The following EXOC4 variants were observed in gnomAD, a reference collection of about 807,000 sequenced individuals.
The protein encoded by EXOC4 is SEC8-like 1.
In EXOC4, 71 loss-of-function variants were observed where a neutral mutation model predicts 107.2. That is an observed-to-expected ratio of 0.66 (90% CI 0.55 to 0.81). The LOEUF (loss-of-function observed/expected upper bound fraction) is 0.81, where lower values mean the gene tolerates loss of function less well. EXOC4 is among the 30% of genes least tolerant of loss of function. The pLI, the probability that EXOC4 is intolerant of heterozygous loss-of-function variation, is 0.00. For missense variants in EXOC4, 1,108 were observed against 1,189.6 expected, an observed-to-expected ratio of 0.93 and a Z score of 1.01; for synonymous variants, 456 against 441.2, an observed-to-expected ratio of 1.03 and a Z score of -0.42.
chr7:133,374,435 G>A (rs977715107), intron 6 of EXOC4, among the ~76,000 whole-genome samples: 4 of 152,110 alleles, frequency 2.6e-5, no homozygotes, highest in African/African-American at 9.7e-5. Context: ...CATATTCTGT[G>A]TAACATCTGA....
At chr7:134,024,987 G>A (rs957534000) in intron 17 of EXOC4, among the ~76,000 whole-genome samples, 1 of 152,146 alleles carries the variant, frequency 6.6e-6, no homozygotes, top group East Asian at 1.9e-4. Context: ...GAGTGATTCT[G>A]GAGAGATTTT....
intron 9 of EXOC4, among the ~76,000 whole-genome samples, chr7:133,558,818 A>G (rs140113372): frequency 0.012 from 1,807 of 152,212 alleles, 39 homozygotes; most frequent in African/African-American, 0.041. Context: ...AATGCTACTG[A>G]TGACTGCTTC....
At chr7:133,969,507 C>A (rs1801151733) in intron 14 of EXOC4, among the ~76,000 whole-genome samples, 1 of 152,042 alleles carries the variant, frequency 6.6e-6, no homozygotes, top group African/African-American at 2.4e-5. Flanking sequence ...ATATTGGTGA[C>A]CTTCTGGTGG....
At chr7:134,008,077 G>C in intron 17 of EXOC4, 1 of 408,800 alleles carries the variant, frequency 2.4e-6, no homozygotes, top group Middle Eastern at 6.5e-4. Flanking sequence ...TACAATACTT[G>C]AATAACTCTT....
intron 7 of EXOC4, among the ~76,000 whole-genome samples, chr7:133,468,631 T>C (rs6467493): frequency 1 from 151,413 of 152,156 alleles, 75,344 homozygotes; most frequent in East Asian, 1. Flanking sequence ...CATCCTCCAT[T>C]GGGTAAGACT....
intron 9 of EXOC4, among the ~76,000 whole-genome samples, chr7:133,584,080 C>T (rs1801340345): frequency 6.6e-6 from 1 of 152,192 alleles, no homozygotes; most frequent in Middle Eastern, 3.4e-3. Context: ...GGAAGAAGGG[C>T]AGGATGTAGG....
chr7:133,312,235 A>G (rs1794890094), intron 4 of EXOC4, among the ~76,000 whole-genome samples: 2 of 152,212 alleles, frequency 1.3e-5, no homozygotes, highest in South Asian at 4.1e-4. Flanking sequence ...GTGCTGATAT[A>G]GAAAGGTTTC....
chr7:133,289,704 C>T (rs1013658918), intron 3 of EXOC4, among the ~76,000 whole-genome samples: 3 of 152,144 alleles, frequency 2.0e-5, no homozygotes, highest in East Asian at 1.9e-4. Flanking sequence ...TGTGGCTGAG[C>T]GTCAAGAAGA....
intron 5 of EXOC4, among the ~76,000 whole-genome samples, chr7:133,321,853 G>A (rs1005746900): frequency 3.9e-5 from 6 of 152,196 alleles, no homozygotes; most frequent in Non-Finnish European, 8.8e-5. Flanking sequence ...GTGTAAAAGT[G>A]TTCCTATTTC....
chr7:133,710,739 T>G (rs2016876), intron 10 of EXOC4, among the ~76,000 whole-genome samples: 54,751 of 151,500 alleles, frequency 0.36, 12,345 homozygotes, highest in Admixed American at 0.54. Context: ...CTCAACTATT[T>G]TTAATATGCA....
intron 6 of EXOC4, among the ~76,000 whole-genome samples, chr7:133,369,402 ATGATCCAC>A (rs1462829065): frequency 6.6e-6 from 1 of 152,174 alleles, no homozygotes; most frequent in Non-Finnish European, 1.5e-5. Context: ...GTTCCACTCA[ATGATCCAC>A]TGAAACCCTT....
chr7:133,766,069 A>G (rs1301774666), intron 10 of EXOC4, among the ~76,000 whole-genome samples: 1 of 151,946 alleles, frequency 6.6e-6, no homozygotes, highest in East Asian at 1.9e-4. Flanking sequence ...TCCTTAGTGA[A>G]GTAATTGATT....
chr7:133,827,000 A>G (rs893106641), intron 11 of EXOC4, among the ~76,000 whole-genome samples: 3 of 152,178 alleles, frequency 2.0e-5, no homozygotes, highest in Non-Finnish European at 4.4e-5. Flanking sequence ...GTACCTTACC[A>G]TGGTGCTGTT....
intron 7 of EXOC4, among the ~76,000 whole-genome samples, chr7:133,456,368 T>C (rs1201587440): frequency 1.3e-5 from 2 of 152,180 alleles, no homozygotes; most frequent in East Asian, 1.9e-4. Flanking sequence ...ATATCTCCAC[T>C]GTGTGAAAGT....
chr7:133,322,161 C>T (rs1319437427), intron 5 of EXOC4, among the ~76,000 whole-genome samples: 1 of 152,106 alleles, frequency 6.6e-6, no homozygotes, highest in Admixed American at 6.5e-5. Flanking sequence ...GTCTCCCATT[C>T]TGTAGGTTGC....
chr7:133,501,362 C>G (rs542515268), intron 9 of EXOC4, among the ~76,000 whole-genome samples: 1 of 152,146 alleles, frequency 6.6e-6, no homozygotes, highest in South Asian at 2.1e-4. Flanking sequence ...GAATGTAAGG[C>G]CTAGTCTAGG....
At chr7:133,575,234 C>T (rs1453882024) in intron 9 of EXOC4, among the ~76,000 whole-genome samples, 1 of 152,184 alleles carries the variant, frequency 6.6e-6, no homozygotes, top group Non-Finnish European at 1.5e-5. Flanking sequence ...TTACTGTACA[C>T]TTAATGCTTG....
At chr7:133,345,519 C>T (rs539228071) in intron 5 of EXOC4, among the ~76,000 whole-genome samples, 2 of 152,194 alleles carry the variant, frequency 1.3e-5, no homozygotes, top group South Asian at 4.2e-4. Flanking sequence ...GCCTCTTCTC[C>T]ACTGGCTTCT....
At chr7:133,833,897 C>G (rs1392344611) in intron 11 of EXOC4, among the ~76,000 whole-genome samples, 1 of 152,102 alleles carries the variant, frequency 6.6e-6, no homozygotes, top group Non-Finnish European at 1.5e-5. Context: ...GTGGCTGATT[C>G]AGCTGGGCCA....
Sources: gnomAD v4.1 joint callset for allele counts (sites outside exome capture counted in the v4.1 genomes callset) on GRCh38, gnomAD v4.1.1 for gene constraint, MANE v1.5 for transcripts, NCBI Gene and HGNC (gene_info 2026-07-23, HGNC 2026-07-21) for gene names.